Variants in CSNK1E observed in about 807,000 individuals in gnomAD.
CSNK1E encodes casein kinase I isoform epsilon.
Under a neutral mutation model 46.1 loss-of-function variants are expected in CSNK1E, and 17 were observed. The ratio of observed to expected loss-of-function variants is 0.37; its 90% CI spans 0.25 to 0.55. CSNK1E has a LOEUF of 0.55. CSNK1E is among the 20% of genes least tolerant of loss of function. The probability of loss-of-function intolerance (pLI) is 0.82; values close to 1 mark genes in which losing one functional copy is unlikely to be tolerated. For synonymous variants in CSNK1E, 241 were observed against 242.6 expected, an observed-to-expected ratio of 0.99 and a Z score of 0.06; for missense variants, 386 against 595.4, an observed-to-expected ratio of 0.65 and a Z score of 3.66.
intron 7 of CSNK1E, chr22:38,296,071 G>T: frequency 1.4e-6 from 1 of 722,840 alleles, no homozygotes; most frequent in Non-Finnish European, 1.7e-6. Context: ...CCTGCAGCCA[G>T]CAGCCAAGCA....
chr22:38,293,086 GC>G lies in CSNK1E; in HGVS notation c.*32+168del. On this transcript the variant is annotated intron_variant, in intron 10 of 10. Coordinates refer to ENST00000396832, the MANE Select transcript of CSNK1E (RefSeq NM_152221.3). ...GAAACCCTTGGCCCCAAGTCAGGCA[GC>G]CTCCGAGGTTTTAAACTACTTGAGG... 3 of 628,568 alleles carry G rather than the reference GC, an allele frequency of 4.8e-6. No homozygotes were observed. In the South Asian group the frequency reaches 5.5e-5, roughly 12 times the overall value. The allele number at this position is 628,568 out of a possible 1,614,324, so 38.9% of individuals were successfully genotyped here. A position where few individuals can be genotyped will look rare whatever the true frequency, so the allele number is the denominator to read the frequency against.
intron 2 of CSNK1E, among the ~76,000 whole-genome samples, chr22:38,312,555 T>C (rs2092725608): frequency 6.6e-6 from 1 of 151,830 alleles, no homozygotes; most frequent in African/African-American, 2.4e-5. Context: ...TAGCTTGGGG[T>C]CGCAGAGAAA....
intron 7 of CSNK1E, chr22:38,296,594 C>T: frequency 6.2e-7 from 1 of 1,612,854 alleles, no homozygotes; most frequent in Non-Finnish European, 8.5e-7. Context: ...CTGTGGGTGC[C>T]TCTGCCCAGC....
rs1192131424 is a variant in CSNK1E at position 38,298,417 on chromosome 22, G to A, written c.885+369C>T. Among the ~76,000 whole-genome samples the A allele has an allele frequency of 1.3e-5, 2 of 152,146 alleles. No homozygotes were observed. Among genetic ancestry groups the A allele is most frequent in the Non-Finnish European group, 1.5e-5 (1 of 68,022 alleles). On this transcript the variant is annotated intron_variant, in intron 7 of 10. Transcript: ENST00000396832. This position sits in a 1 kb window ranked among gnomAD's most constrained non-coding sequence, Gnocchi z 4.2. ...GGCTGGCCCGAGGGGCCATGGTGCAGGTAGCCACCTGGGATGTGCAGAACA... is the reference window on the plus strand; with the variant it reads ...GGCTGGCCCGAGGGGCCATGGTGCAAGTAGCCACCTGGGATGTGCAGAACA...
At chr22:38,311,868 G>A (rs1245826229) in intron 2 of CSNK1E, among the ~76,000 whole-genome samples, 3 of 148,180 alleles carry the variant, frequency 2.0e-5, no homozygotes, top group South Asian at 2.1e-4. Context: ...GCAATGACAC[G>A]ATCTCAGCTC....
Position 38,294,277 on chromosome 22 carries a change from G to A in CSNK1E, c.1079-29C>T, listed in dbSNP as rs767708054. 5 of 1,605,916 alleles carry A rather than the reference G, an allele frequency of 3.1e-6. No homozygotes were observed. In the South Asian group the frequency reaches 5.5e-5, roughly 18 times the overall value. On this transcript the variant is annotated intron_variant, in intron 8 of 10. Transcript: ENST00000396832. The surrounding 1 kb of genome is among the most constrained non-coding windows in gnomAD (Gnocchi z 5.5). The stretch of plus-strand genomic sequence containing the variant: ...GAGGGAGAGTGGGAAGCCACCCTCA[G>A]AGTAGGCACAAACAGAGCCCCCCAC...
At chr22:38,315,084 C>T (rs1275813007) in intron 1 of CSNK1E, among the ~76,000 whole-genome samples, 1 of 152,180 alleles carries the variant, frequency 6.6e-6, no homozygotes, top group Non-Finnish European at 1.5e-5. Flanking sequence ...CTTTCACAGA[C>T]AGGGTACTCA....
In CSNK1E at chr22:38,294,970, G is replaced by A. The variant is rs978732732; in HGVS notation, c.886-436C>T. Among the ~76,000 whole-genome samples, 1 of 152,330 alleles carries A rather than the reference G, an allele frequency of 6.6e-6. No individual in the cohort carries two copies. Among genetic ancestry groups the A allele is most frequent in the African/African-American group, 2.4e-5 (1 of 41,570 alleles). On this transcript the variant is annotated intron_variant, in intron 7 of 10. Transcript: ENST00000396832. This position sits in a 1 kb window ranked among gnomAD's most constrained non-coding sequence, Gnocchi z 5.5. ...GAGGCCTCTAGCAGACTGGCTAGGG[G>A]TGTCCAGAGGGGGAAAAGAACAGGC...
intron 2 of CSNK1E, among the ~76,000 whole-genome samples, chr22:38,311,868 G>C (rs1245826229): frequency 6.7e-6 from 1 of 148,290 alleles, no homozygotes; most frequent in East Asian, 2.0e-4. Flanking sequence ...GCAATGACAC[G>C]ATCTCAGCTC....
At chr22:38,295,799 C>A (rs1198059215) in intron 7 of CSNK1E, among the ~76,000 whole-genome samples, 1 of 152,232 alleles carries the variant, frequency 6.6e-6, no homozygotes, top group Non-Finnish European at 1.5e-5. Flanking sequence ...CATCCTCCCA[C>A]CCAGAAGCCT....
At chr22:38,301,032 A>G in intron 4 of CSNK1E, 80 bp from the exon 5 acceptor site, 1 of 1,222,338 alleles carries the variant, frequency 8.2e-7, no homozygotes. Flanking sequence ...GGGGCCACAG[A>G]GGTGGAAAGG....
intron 2 of CSNK1E, among the ~76,000 whole-genome samples, chr22:38,312,458 T>C (rs1251315508): frequency 6.6e-6 from 1 of 152,194 alleles, no homozygotes; most frequent in East Asian, 1.9e-4. Context: ...ATCCCCATTT[T>C]CTCATTGGTT....
intron 2 of CSNK1E, among the ~76,000 whole-genome samples, chr22:38,313,428 G>C (rs1303690599): frequency 6.6e-6 from 1 of 152,266 alleles, no homozygotes; most frequent in Non-Finnish European, 1.5e-5. Context: ...GTGCCCCTCA[G>C]AAGTGGCACT....
In CSNK1E at chr22:38,300,845, G is replaced by A. The variant is rs747108575; in HGVS notation, c.444C>T (p.Ile148=). The change falls in exon 5 of 11, where the codon ATC becomes ATT. Residue 148 remains isoleucine, a synonymous_variant. Coordinates refer to ENST00000396832, the MANE Select transcript of CSNK1E (RefSeq NM_152221.3). The surrounding 1 kb of genome is among the most constrained non-coding windows in gnomAD (Gnocchi z 4.4). ...LGKKGNLVYI[I]DFGLAKKYRD... ...GGTACTTCTTGGCCAGGCCGAAGTCGATGATGTAGACCAGGTTGCCCTTCT... is the reference window on the plus strand; with the variant it reads ...GGTACTTCTTGGCCAGGCCGAAGTCAATGATGTAGACCAGGTTGCCCTTCT... 2.5e-5 allele frequency: 40 copies of A among 1,614,136 alleles called. No homozygotes were observed. Among genetic ancestry groups the A allele is most frequent in the Admixed American group, 1.2e-4 (7 of 60,014 alleles).
Position 38,294,752 on chromosome 22 carries a change from C to G in CSNK1E, c.886-218G>C, listed in dbSNP as rs2092630962. On this transcript the variant is annotated intron_variant, in intron 7 of 10. Coordinates refer to ENST00000396832, the MANE Select transcript of CSNK1E (RefSeq NM_152221.3). The surrounding 1 kb of genome is among the most constrained non-coding windows in gnomAD (Gnocchi z 5.5). Reference sequence around the variant, plus strand: ...ACCAGAGGAAGGAGAAAGCAGGAGTCTGGGGGCAGAGGGAGGTCAGTCTGC... The same window carrying G: ...ACCAGAGGAAGGAGAAAGCAGGAGTGTGGGGGCAGAGGGAGGTCAGTCTGC... 1.3e-5 allele frequency among the ~76,000 whole-genome samples: 2 copies of G among 152,154 alleles called. No individual in the cohort carries two copies. The highest frequency in any genetic ancestry group is 2.1e-4 in the South Asian group (1 of 4,816).
At chr22:38,299,478 G>A (rs971055719) in intron 6 of CSNK1E, among the ~76,000 whole-genome samples, 26 of 152,352 alleles carry the variant, frequency 1.7e-4, no homozygotes, top group African/African-American at 5.8e-4. Flanking sequence ...AAGAGCCAGG[G>A]ATTACTGCTC....
intron 2 of CSNK1E, among the ~76,000 whole-genome samples, chr22:38,304,246 A>G (rs1231712314): frequency 6.6e-6 from 1 of 152,192 alleles, no homozygotes; most frequent in East Asian, 1.9e-4. Context: ...GGAGTTCAAG[A>G]CAGGAGAAAG....
intron 4 of CSNK1E, among the ~76,000 whole-genome samples, chr22:38,302,237 C>T (rs1307220688): frequency 1.7e-5 from 1 of 59,414 alleles, no homozygotes; most frequent in Non-Finnish European, 3.3e-5. Context: ...TGGATCATGC[C>T]TGTGATCCCG....
intron 4 of CSNK1E, among the ~76,000 whole-genome samples, chr22:38,302,036 G>A (rs148980478): frequency 6.6e-6 from 1 of 152,242 alleles, no homozygotes; most frequent in East Asian, 1.9e-4. Flanking sequence ...CTGTTAGAGG[G>A]GCCTGTTTTG....
Sources: gnomAD v4.1 joint callset for allele counts (sites outside exome capture counted in the v4.1 genomes callset) on GRCh38, gnomAD v4.1.1 for gene constraint, Gnocchi (gnomAD v3.1) non-coding constraint, MANE v1.5 for transcripts, NCBI Gene and HGNC (gene_info 2026-07-23, HGNC 2026-07-21) for gene names.